The following KIAA1217 variants were observed in gnomAD, a reference collection of about 807,000 sequenced individuals.
The protein encoded by KIAA1217 is sickle tail protein homolog.
In KIAA1217, 88 loss-of-function variants were observed where a neutral mutation model predicts 163.9. That is an observed-to-expected ratio of 0.54 (90% CI 0.45 to 0.64). The LOEUF (loss-of-function observed/expected upper bound fraction) is 0.64, where lower values mean the gene tolerates loss of function less well. Ranked by LOEUF, KIAA1217 falls within the 30% of genes least tolerant of loss-of-function variation. The probability of loss-of-function intolerance (pLI) is 0.00; values close to 1 mark genes in which losing one functional copy is unlikely to be tolerated. For missense variants in KIAA1217, 2,372 were observed against 2,475.0 expected, an observed-to-expected ratio of 0.96 and a Z score of 0.88; for synonymous variants, 903 against 923.1, an observed-to-expected ratio of 0.98 and a Z score of 0.39.
chr10:24,368,829 AAC>A, intron 2 of KIAA1217: 1 of 983,880 alleles, frequency 1.0e-6, no homozygotes, highest in Non-Finnish European at 1.2e-6. Flanking sequence ...TACTGAGAGT[AAC>A]ACCAGCTTAC....
chr10:24,005,090 C>T (rs1846933246), intron 1 of KIAA1217, among the ~76,000 whole-genome samples: 1 of 152,298 alleles, frequency 6.6e-6, no homozygotes, highest in East Asian at 1.9e-4. Flanking sequence ...GAATGGGCTA[C>T]GGAGTTAGAC....
intron 2 of KIAA1217, among the ~76,000 whole-genome samples, chr10:24,289,677 A>T (rs887238429): frequency 6.6e-6 from 1 of 151,982 alleles, no homozygotes; most frequent in Non-Finnish European, 1.5e-5. Flanking sequence ...TGGGAAGGAG[A>T]GGGGAATGTT....
intron 2 of KIAA1217, among the ~76,000 whole-genome samples, chr10:24,277,992 C>G: frequency 6.6e-6 from 1 of 152,240 alleles, no homozygotes; most frequent in East Asian, 1.9e-4. Context: ...CTCTATGGAC[C>G]TATGCCTTTT....
chr10:24,213,270 T>G (rs975279992), intron 1 of KIAA1217, among the ~76,000 whole-genome samples: 3 of 152,194 alleles, frequency 2.0e-5, no homozygotes, highest in Non-Finnish European at 4.4e-5. Context: ...GGCTCTACAT[T>G]GTGACCCTGG....
chr10:23,849,935 C>A (rs953304674), intron 1 of KIAA1217, among the ~76,000 whole-genome samples: 1 of 152,086 alleles, frequency 6.6e-6, no homozygotes, highest in African/African-American at 2.4e-5. Context: ...AGACACATTG[C>A]AATCTTGCTT....
At chr10:24,046,826 A>G (rs1477769095) in intron 2 of KIAA1217, among the ~76,000 whole-genome samples, 3 of 152,222 alleles carry the variant, frequency 2.0e-5, no homozygotes, top group South Asian at 4.1e-4. Flanking sequence ...TTCTAATTCC[A>G]GTGGTTTTGA....
intron 1 of KIAA1217, 125 bp downstream of exon 1, chr10:24,209,388 G>C: frequency 1.4e-6 from 1 of 702,856 alleles, no homozygotes; most frequent in South Asian, 1.9e-5. Context: ...AATTTCTTGG[G>C]ATGGTACATT....
At chr10:24,045,746 C>T (rs1425131822) in intron 2 of KIAA1217, among the ~76,000 whole-genome samples, 3 of 152,200 alleles carry the variant, frequency 2.0e-5, no homozygotes, top group Non-Finnish European at 4.4e-5. Context: ...TTTGCCTGTT[C>T]CAATCTGATG....
At chr10:23,933,618 G>A (rs1843347015) in intron 1 of KIAA1217, among the ~76,000 whole-genome samples, 1 of 151,984 alleles carries the variant, frequency 6.6e-6, no homozygotes, top group African/African-American at 2.4e-5. Context: ...CTACAGAATG[G>A]GAGAAAAGTT....
At position 24,209,206 on chromosome 10, in the gene KIAA1217, G is replaced by A; in HGVS notation, c.13G>A (p.Glu5Lys). MEENESQKCEPCLPY... is the reference protein window; with the variant it reads MEENKSQKCEPCLPY... ...GCAGGCAGAGACAATGGAAGAAAAT[G>A]AAAGCCAGAAATGTGAGCCGTGCCT... The change falls in exon 1 of 21, where the codon GAA becomes AAA. Residue 5 changes from glutamate to lysine, a missense_variant. This residue lies in a region of KIAA1217 where 1,431 missense variants were observed against 1,470.3 expected (regional missense o/e 0.97). Coordinates refer to ENST00000376454, the MANE Select transcript of KIAA1217 (RefSeq NM_019590.5). The A allele has an allele frequency of 6.2e-7, 1 of 1,613,878 alleles. No individual in the cohort carries two copies. The highest frequency in any genetic ancestry group is 8.5e-7 in the Non-Finnish European group (1 of 1,179,934).
At chr10:23,863,519 C>T (rs11013761) in intron 1 of KIAA1217, among the ~76,000 whole-genome samples, 1,937 of 152,226 alleles carry the variant, frequency 0.013, 56 homozygotes, top group African/African-American at 0.044. Context: ...TACGGTTCAT[C>T]GTCTCTTGCC....
At chr10:24,496,708 G>A (rs989313319) in intron 8 of KIAA1217, among the ~76,000 whole-genome samples, 1 of 152,162 alleles carries the variant, frequency 6.6e-6, no homozygotes, top group African/African-American at 2.4e-5. Flanking sequence ...ATCCACACAC[G>A]TGACACACAT....
intron 1 of KIAA1217, among the ~76,000 whole-genome samples, chr10:24,216,808 T>C (rs1421008001): frequency 1.5e-5 from 2 of 135,398 alleles, no homozygotes; most frequent in Non-Finnish European, 3.1e-5. Context: ...GCCTGAGTGA[T>C]GGAGTGAGAC....
At chr10:23,744,646 A>G (rs1041283382) in intron 1 of KIAA1217, among the ~76,000 whole-genome samples, 1 of 152,152 alleles carries the variant, frequency 6.6e-6, no homozygotes, top group Non-Finnish European at 1.5e-5. Flanking sequence ...GGACTGGGTA[A>G]TTTTCCATCA....
chr10:24,113,874 A>C (rs1037324530), intron 2 of KIAA1217, among the ~76,000 whole-genome samples: 7 of 152,126 alleles, frequency 4.6e-5, no homozygotes, highest in Non-Finnish European at 1.0e-4. Flanking sequence ...GCCAGTGCAA[A>C]ATGAAAATGC....
intron 6 of KIAA1217, among the ~76,000 whole-genome samples, chr10:24,486,360 G>A (rs1466992700): frequency 2.6e-5 from 4 of 152,178 alleles, no homozygotes; most frequent in African/African-American, 7.2e-5. Context: ...GCTGGACTGG[G>A]ACAGCTCCAG....
rs534547945 is a variant in KIAA1217 at position 23,987,742 on chromosome 10, G to C, written c.-320-19483G>C. ...ACGTTGTGCAATAGATCTCTTGAAC[G>C]TATTCCTATCTAGCTGCAAGTCTGT... is the stretch of plus-strand genomic sequence containing the variant. On this transcript the variant is annotated intron_variant, in intron 1 of 18. Coordinates refer to the KIAA1217 transcript ENST00000376462. Among the ~76,000 whole-genome samples the C allele has an allele frequency of 3.7e-4, 56 of 152,112 alleles. No individual in the cohort carries two copies. In the Middle Eastern group the frequency reaches 0.024, roughly 65 times the overall value.
chr10:24,044,704 T>C (rs1249342055), intron 2 of KIAA1217, among the ~76,000 whole-genome samples: 1 of 152,146 alleles, frequency 6.6e-6, no homozygotes, highest in Admixed American at 6.6e-5. Context: ...AGGCTAATTC[T>C]AAAAGTTGAA....
rs774105389 is a variant in KIAA1217, at chr10:24,209,170, G to T, written c.-24G>T. 1.2e-6 allele frequency: 2 copies of T among 1,612,054 alleles called. No individual in the cohort carries two copies. Among genetic ancestry groups the T allele is most frequent in the Non-Finnish European group, 1.7e-6 (2 of 1,178,304 alleles). ...CGCTCTGAAGTTTCCAGAGAGCGAG[G>T]AGCTTTTGCGGCAGGCAGAGACAAT... On this transcript the variant is annotated 5_prime_UTR_variant, in exon 1 of 21. Coordinates refer to ENST00000376454, the MANE Select transcript of KIAA1217 (RefSeq NM_019590.5).
Sources: allele counts gnomAD v4.1 joint callset (sites outside exome capture counted in the v4.1 genomes callset), GRCh38; gene constraint gnomAD v4.1.1; regional missense constraint gnomAD v4.1.1; transcripts MANE v1.5; gene names NCBI Gene and HGNC (gene_info 2026-07-23, HGNC 2026-07-21).